The following MRPS25 variants were observed in gnomAD, a reference collection of about 807,000 sequenced individuals.
The protein encoded by MRPS25 is small ribosomal subunit protein mS25.
A neutral mutation model predicts 17.3 loss-of-function variants in MRPS25; 15 were observed. The ratio of observed to expected loss-of-function variants is 0.87; its 90% CI spans 0.58 to 1.34. The LOEUF (loss-of-function observed/expected upper bound fraction) is 1.34. Ranked by LOEUF, MRPS25 falls within the 40% of genes most tolerant of loss-of-function variation. The probability of loss-of-function intolerance (pLI) is 0.00; values close to 1 mark genes in which losing one functional copy is unlikely to be tolerated. For missense variants in MRPS25, 225 were observed against 218.6 expected, an observed-to-expected ratio of 1.03 and a Z score of -0.19; for synonymous variants, 94 against 83.3, an observed-to-expected ratio of 1.13 and a Z score of -0.70.
chr3:15,047,079 A>C (rs967609347), downstream of MRPS25: 1 of 152,646 alleles, frequency 6.6e-6, no homozygotes, highest in East Asian at 1.9e-4. Context: ...TATCCTCTCC[A>C]TATGTACAGT....
intron 1 of MRPS25, among the ~76,000 whole-genome samples, chr3:15,061,373 G>A (rs2042754214): frequency 1.3e-5 from 2 of 152,160 alleles, no homozygotes; most frequent in Non-Finnish European, 1.5e-5. Context: ...GCGCTGCCAC[G>A]CCTGACTGGT....
At chr3:15,060,495 G>A (rs1164028455) in intron 1 of MRPS25, among the ~76,000 whole-genome samples, 15 of 140,266 alleles carry the variant, frequency 1.1e-4, no homozygotes, top group African/African-American at 1.9e-4. Context: ...CAGTCTAGGC[G>A]ACAGAGCAAG....
rs114431034 is a variant in MRPS25, at chr3:15,049,737, T to C, written c.*2704A>G. ...CATGTTCCAGGTGAAAATTCTGAGG[T>C]CCAAAGTCTGATGCATGACAGAACT... On this transcript the variant is annotated 3_prime_UTR_variant, in exon 4 of 4. Transcript: ENST00000253686. The C allele has an allele frequency of 1.4e-3, 808 of 597,852 alleles. 3 individuals are homozygous for C. The highest frequency in any genetic ancestry group is 2.1e-3 in the Non-Finnish European group (708 of 344,858). 37.0% of individuals were successfully genotyped at this position (597,852 alleles called of 1,614,324 possible).
At chr3:15,061,834 T>A (rs1286516850) in intron 1 of MRPS25, among the ~76,000 whole-genome samples, 3 of 150,514 alleles carry the variant, frequency 2.0e-5, no homozygotes, top group Non-Finnish European at 4.4e-5. Context: ...CGCGACCCCG[T>A]CTGGGAGGTG....
downstream of MRPS25, chr3:15,043,055 G>C: frequency 6.6e-7 from 1 of 1,523,436 alleles, no homozygotes; most frequent in Non-Finnish European, 8.9e-7. Flanking sequence ...TTCCAGGACC[G>C]TTCACATACA....
chr3:15,063,204 C>T (rs901020602), intron 1 of MRPS25, among the ~76,000 whole-genome samples: 1 of 152,158 alleles, frequency 6.6e-6, no homozygotes, highest in Admixed American at 6.5e-5. Context: ...TAAACTGCCC[C>T]AGGTCTAACT....
Position 15,052,305 on chromosome 3 carries a change from G to A in MRPS25, c.*136C>T. 3 of 1,463,612 alleles carry A rather than the reference G, an allele frequency of 2.0e-6. No homozygotes were observed. Among genetic ancestry groups the A allele is most frequent in the African/African-American group, 2.8e-5 (2 of 70,686 alleles). The allele number at this position is 1,463,612 out of a possible 1,614,324, so 90.7% of individuals were successfully genotyped here. A position where few individuals can be genotyped will look rare whatever the true frequency, so the allele number is the denominator to read the frequency against. On this transcript the variant is annotated 3_prime_UTR_variant, in exon 4 of 4. Coordinates refer to ENST00000253686, the MANE Select transcript of MRPS25 (RefSeq NM_022497.5). ...CTCCCACATCCTTTTACACAGGTGT[G>A]TAAAGTCCTTTTAATGCAAAAGGAT...
At chr3:15,048,107 T>C (rs2042520668), downstream of MRPS25, 1 of 152,670 alleles carries the variant, frequency 6.6e-6, no homozygotes, top group Non-Finnish European at 1.5e-5. Flanking sequence ...TCTTTTTCTT[T>C]TTAAAATAAG....
chr3:15,063,490 C>A (rs1042547042), intron 1 of MRPS25, among the ~76,000 whole-genome samples: 5 of 152,038 alleles, frequency 3.3e-5, no homozygotes, highest in Admixed American at 1.3e-4. Flanking sequence ...GGGAGGACTG[C>A]GGCTAGCCAG....
At chr3:15,060,742 G>T (rs1021592446) in intron 1 of MRPS25, among the ~76,000 whole-genome samples, 2 of 151,884 alleles carry the variant, frequency 1.3e-5, no homozygotes, top group Non-Finnish European at 2.9e-5. Context: ...ATTAGCCGGC[G>T]TGGTGGCGGG....
At chr3:15,059,768 A>C (rs568973645) in intron 1 of MRPS25, among the ~76,000 whole-genome samples, 1 of 152,276 alleles carries the variant, frequency 6.6e-6, no homozygotes, top group African/African-American at 2.4e-5. Flanking sequence ...CTACGTCGTG[A>C]TTTGTGTCGT....
At chr3:15,052,655 A>G (rs746967034) in intron 3 of MRPS25, 22 bp from the exon 4 acceptor site, 67 of 1,607,828 alleles carry the variant, frequency 4.2e-5, no homozygotes, top group Non-Finnish European at 5.4e-5. Flanking sequence ...CACAGACGGC[A>G]ACCAAGCATT....
chr3:15,053,253 CTTAT>C, intron 3 of MRPS25, 123 bp downstream of exon 3: 1 of 1,519,944 alleles, frequency 6.6e-7, no homozygotes, highest in Non-Finnish European at 8.8e-7. Flanking sequence ...AGCCCCAGCT[CTTAT>C]TAGTGTCTGG....
intron 3 of MRPS25, among the ~76,000 whole-genome samples, chr3:15,052,886 A>G (rs11706556): frequency 0.31 from 46,914 of 152,172 alleles, 7,964 homozygotes; most frequent in African/African-American, 0.43. Flanking sequence ...ATCTGCTGCC[A>G]CAGGTGGAGC....
At chr3:15,046,811 C>T (rs924223250), downstream of MRPS25, 1 of 152,644 alleles carries the variant, frequency 6.6e-6, no homozygotes, top group African/African-American at 2.4e-5. Context: ...GCAGATGCCC[C>T]ACGTGCTTCC....
At chr3:15,065,007 G>A (rs2042834013) in intron 1 of MRPS25, 54 bp downstream of exon 1, 4 of 1,558,542 alleles carry the variant, frequency 2.6e-6, no homozygotes, top group African/African-American at 1.4e-5. Flanking sequence ...GTTACCAGCA[G>A]GCTGGCACGA....
intron 3 of MRPS25, 197 bp downstream of exon 3, chr3:15,053,183 T>A: frequency 7.8e-7 from 1 of 1,275,344 alleles, no homozygotes; most frequent in Admixed American, 2.8e-5. Context: ...CCAAGGGAGA[T>A]AAAGCTTACA....
At chr3:15,045,043 C>A (rs937769199), downstream of MRPS25, 3 of 152,140 alleles carry the variant, frequency 2.0e-5, no homozygotes, top group Admixed American at 2.0e-4. Context: ...ACTTTTCTAA[C>A]CCTGATGTGT....
rs551231893 is a variant in MRPS25, at chr3:15,064,898, C to T, written c.134+163G>A. ...GCCGGCCCGGCGGGGGCCCCGCCGT[C>T]CGCCTCAGTCTGGACCTCTGTAAAA... is the stretch of plus-strand genomic sequence containing the variant. On this transcript the variant is annotated intron_variant, in intron 1 of 3. Transcript: ENST00000253686. Among the ~76,000 whole-genome samples the T allele has an allele frequency of 4.4e-3, 667 of 152,326 alleles. 1 individual carries two copies. The highest frequency in any genetic ancestry group is 0.015 in the African/African-American group (637 of 41,594).
Sources: gnomAD v4.1 joint callset for allele counts (sites outside exome capture counted in the v4.1 genomes callset) on GRCh38, gnomAD v4.1.1 for gene constraint, MANE v1.5 for transcripts, NCBI Gene and HGNC (gene_info 2026-07-23, HGNC 2026-07-21) for gene names.